STK32B: variants seen among roughly 807,000 people sequenced by gnomAD.
The protein encoded by STK32B is serine/threonine kinase 32B.
In STK32B, 43 loss-of-function variants were observed where a neutral mutation model predicts 52.6. That is an observed-to-expected ratio of 0.82 (90% CI 0.64 to 1.05). STK32B has a LOEUF of 1.05. Ranked by LOEUF, STK32B falls within the 50% of genes least tolerant of loss-of-function variation. The probability of loss-of-function intolerance (pLI) is 0.00; values close to 1 mark genes in which losing one functional copy is unlikely to be tolerated. For synonymous variants in STK32B, 238 were observed against 204.3 expected (o/e 1.17, Z -1.41); for missense variants, 621 against 534.6 (o/e 1.16, Z -1.59).
intron 5 of STK32B, among the ~76,000 whole-genome samples, chr4:5,409,726 C>T (rs1711514561): frequency 6.6e-6 from 1 of 152,012 alleles, no homozygotes; most frequent in Middle Eastern, 3.2e-3. Flanking sequence ...TCAGTAAAGC[C>T]CAGAAATGTT....
At chr4:5,433,176 A>AAGGAGGATAGAGAGGAGGATAGAG (rs59384817) in intron 6 of STK32B, among the ~76,000 whole-genome samples, 4 of 151,102 alleles carry the variant, frequency 2.6e-5, no homozygotes, top group South Asian at 2.1e-4. Context: ...AGAGGATAGA[A>AAGGAGGATAGAGAGGAGGATAGAG]AGGAGGATAG....
intron 3 of STK32B, among the ~76,000 whole-genome samples, chr4:5,183,776 A>C (rs1266992422): frequency 1.3e-5 from 2 of 152,188 alleles, no homozygotes; most frequent in African/African-American, 4.8e-5. Flanking sequence ...TTTCTGCTTC[A>C]CTTTGCATTT....
chr4:5,101,243 TGCAG>T (rs548827946), intron 1 of STK32B, among the ~76,000 whole-genome samples: 1 of 152,166 alleles, frequency 6.6e-6, no homozygotes, highest in African/African-American at 2.4e-5. Context: ...ATGCTGTCAT[TGCAG>T]GAATATTTGG....
chr4:5,317,476 T>G (rs1367607070), intron 3 of STK32B, among the ~76,000 whole-genome samples: 1 of 54,224 alleles, frequency 1.8e-5, no homozygotes, highest in Non-Finnish European at 3.3e-5. Flanking sequence ...GTATAATATA[T>G]ATATTACATA....
chr4:5,138,903 C>G (rs917186216), intron 1 of STK32B, among the ~76,000 whole-genome samples: 1 of 152,100 alleles, frequency 6.6e-6, no homozygotes, highest in Admixed American at 6.6e-5. Flanking sequence ...GGAAGGGAGG[C>G]AGGAGAAGCA....
chr4:5,421,040 C>A lies in STK32B; in HGVS notation c.562+4106C>A, dbSNP rs1357759791. On this transcript the variant is annotated intron_variant, in intron 6 of 11. Transcript: ENST00000282908. ...TCAGCCTCCCAAGTAGCTGGGATTACAGGCACATGCCACCATGCCTGGCTA... is the reference window on the plus strand; with the variant it reads ...TCAGCCTCCCAAGTAGCTGGGATTAAAGGCACATGCCACCATGCCTGGCTA... Among the ~76,000 whole-genome samples the A allele has an allele frequency of 2.6e-5, 4 of 152,192 alleles. No individual in the cohort carries two copies. The East Asian group carries it at 5.8e-4, about 22-fold the overall frequency.
chr4:5,499,952 G>C lies in STK32B; in HGVS notation c.*869G>C, dbSNP rs897350062. Reference sequence around the variant, plus strand: ...CAGCTTTCAGGGTTTTCTCTCCTGGGAAGGGTGTAAAATCAGCTTGTCAGA... The same window carrying C: ...CAGCTTTCAGGGTTTTCTCTCCTGGCAAGGGTGTAAAATCAGCTTGTCAGA... On this transcript the variant is annotated 3_prime_UTR_variant, in exon 12 of 12. Coordinates refer to ENST00000282908, the MANE Select transcript of STK32B (RefSeq NM_018401.3). 1 of 152,256 alleles carries C rather than the reference G, an allele frequency of 6.6e-6. No individual in the cohort carries two copies. Among genetic ancestry groups the C allele is most frequent in the Non-Finnish European group, 1.5e-5 (1 of 68,078 alleles). The allele number at this position is 152,256 out of a possible 1,614,324, so 9.4% of individuals were successfully genotyped here. A position where few individuals can be genotyped will look rare whatever the true frequency, so the allele number is the denominator to read the frequency against.
rs1348208362 is a variant in STK32B at position 5,500,206 on chromosome 4, T to C, written c.*1123T>C. The C allele has an allele frequency of 6.7e-6, 1 of 149,316 alleles. No homozygotes were observed. The highest frequency in any genetic ancestry group is 1.5e-5 in the Non-Finnish European group (1 of 67,666). 9.2% of individuals were successfully genotyped at this position (149,316 alleles called of 1,614,324 possible). ...CAGGTTTGTGTTCAGAATCCAGCCC[T>C]GCTGGCTACTAACTAACTGGGAGAC... On this transcript the variant is annotated 3_prime_UTR_variant, in exon 12 of 12. Coordinates refer to ENST00000282908, the MANE Select transcript of STK32B (RefSeq NM_018401.3).
At chr4:5,412,257 T>C (rs1037388827) in intron 5 of STK32B, among the ~76,000 whole-genome samples, 1 of 152,198 alleles carries the variant, frequency 6.6e-6, no homozygotes, top group African/African-American at 2.4e-5. Flanking sequence ...AGTAAACCAG[T>C]TCGTATTTTC....
chr4:5,320,483 A>G (rs149091673), intron 3 of STK32B, among the ~76,000 whole-genome samples: 4 of 152,292 alleles, frequency 2.6e-5, no homozygotes, highest in East Asian at 3.9e-4. Flanking sequence ...TTTTTCAGCT[A>G]TTGTTTACAT....
chr4:5,490,738 AAC>A (rs1719655335), intron 11 of STK32B, among the ~76,000 whole-genome samples: 2 of 152,064 alleles, frequency 1.3e-5, no homozygotes, highest in African/African-American at 4.8e-5. Context: ...TCCACCCCAC[AAC>A]AGTCTCCAGA....
At chr4:5,241,012 ATCT>A (rs1245047355) in intron 3 of STK32B, among the ~76,000 whole-genome samples, 10 of 152,292 alleles carry the variant, frequency 6.6e-5, no homozygotes, top group Non-Finnish European at 1.3e-4. Context: ...TTCAAGAAGA[ATCT>A]TCTTATCAGG....
At chr4:5,116,355 G>A (rs181867967) in intron 1 of STK32B, among the ~76,000 whole-genome samples, 12 of 152,156 alleles carry the variant, frequency 7.9e-5, no homozygotes, top group Admixed American at 3.3e-4. Flanking sequence ...ATTTGTTGTC[G>A]TTGTACATTT....
chr4:5,445,801 C>T (rs565031025), intron 6 of STK32B, among the ~76,000 whole-genome samples: 2 of 152,254 alleles, frequency 1.3e-5, no homozygotes, highest in African/African-American at 4.8e-5. Flanking sequence ...AAACCGGTAC[C>T]CATGAAGGAG....
At chr4:5,202,873 C>T (rs1350299457) in intron 3 of STK32B, among the ~76,000 whole-genome samples, 1 of 152,170 alleles carries the variant, frequency 6.6e-6, no homozygotes, top group African/African-American at 2.4e-5. Flanking sequence ...GGGCATGGTG[C>T]CACATAAACA....
intron 3 of STK32B, among the ~76,000 whole-genome samples, chr4:5,254,457 T>C (rs1257825122): frequency 6.6e-6 from 1 of 152,206 alleles, no homozygotes; most frequent in Non-Finnish European, 1.5e-5. Flanking sequence ...TTTTTGTATA[T>C]AAATACTTAC....
chr4:5,289,105 T>C (rs1352951581), intron 3 of STK32B, among the ~76,000 whole-genome samples: 1 of 152,230 alleles, frequency 6.6e-6, no homozygotes, highest in African/African-American at 2.4e-5. Context: ...ATTTTGATGA[T>C]ATAGGGTACT....
intron 11 of STK32B, among the ~76,000 whole-genome samples, chr4:5,496,046 G>T (rs964697359): frequency 1.2e-4 from 19 of 152,232 alleles, no homozygotes; most frequent in African/African-American, 4.3e-4. Flanking sequence ...CACTTGAGGA[G>T]GCAGTCTGCC....
At chr4:5,059,784 C>G (rs779007722) in intron 1 of STK32B, among the ~76,000 whole-genome samples, 4 of 152,088 alleles carry the variant, frequency 2.6e-5, no homozygotes, top group Admixed American at 1.3e-4. Flanking sequence ...GCTCAGATAT[C>G]TTCATAGGTA....
Sources: gnomAD v4.1 joint callset for allele counts (sites outside exome capture counted in the v4.1 genomes callset) on GRCh38, gnomAD v4.1.1 for gene constraint, MANE v1.5 for transcripts, NCBI Gene and HGNC (gene_info 2026-07-23, HGNC 2026-07-21) for gene names.